PGAP1: variants seen among roughly 807,000 people sequenced by gnomAD.
PGAP1 encodes the protein GPI inositol-deacylase.
A neutral mutation model predicts 127.0 loss-of-function variants in PGAP1; 76 were observed. That is an observed-to-expected ratio of 0.60 (90% confidence interval 0.50 to 0.72). The LOEUF (loss-of-function observed/expected upper bound fraction) is 0.72. PGAP1 is among the 30% of genes least tolerant of loss of function. The probability of loss-of-function intolerance (pLI) is 0.00; values close to 1 mark genes in which losing one functional copy is unlikely to be tolerated. For synonymous variants in PGAP1, 362 were observed against 366.5 expected (o/e 0.99, Z 0.14); for missense variants, 982 against 1,071.3 (o/e 0.92, Z 1.16).
chr2:196,900,769 C>A (rs1333410292), intron 5 of PGAP1, among the ~76,000 whole-genome samples: 1 of 151,382 alleles, frequency 6.6e-6, no homozygotes, highest in African/African-American at 2.4e-5. Context: ...ACTAAAAATA[C>A]AAAAAAAATT....
chr2:196,869,435 C>T (rs933618765), intron 19 of PGAP1, among the ~76,000 whole-genome samples: 9 of 152,108 alleles, frequency 5.9e-5, no homozygotes, highest in Admixed American at 2.6e-4. Flanking sequence ...TCTGGGTTCA[C>T]GCCATTCTCC....
At chr2:196,917,742 CTGATGGTCATT>C (rs1703063757) in intron 2 of PGAP1, among the ~76,000 whole-genome samples, 1 of 152,118 alleles carries the variant, frequency 6.6e-6, no homozygotes, top group African/African-American at 2.4e-5. Context: ...TATTTATCAG[CTGATGGTCATT>C]TAAATTATTT....
At chr2:196,922,620 A>C in intron 1 of PGAP1, 3 of 701,494 alleles carry the variant, frequency 4.3e-6, no homozygotes, top group Non-Finnish European at 5.2e-6. Flanking sequence ...ACACACAACA[A>C]AGCTTAAGAG....
At chr2:196,871,433 T>C (rs2125798914) in intron 18 of PGAP1, among the ~76,000 whole-genome samples, 1 of 152,246 alleles carries the variant, frequency 6.6e-6, no homozygotes, top group South Asian at 2.1e-4. Context: ...AATGATTTTG[T>C]CAAAATATGG....
intron 1 of PGAP1, among the ~76,000 whole-genome samples, chr2:196,923,305 T>A (rs749880055): frequency 2.0e-5 from 3 of 152,240 alleles, no homozygotes; most frequent in Non-Finnish European, 4.4e-5. Context: ...ATGCCTGCAA[T>A]GTTCTTTCAG....
rs771654693 is a variant in PGAP1, at chr2:196,867,769, C to T, written c.1768-2689G>A. Among the ~76,000 whole-genome samples the T allele has an allele frequency of 1.3e-3, 200 of 152,254 alleles. 1 individual carries two copies. The highest frequency in any genetic ancestry group is 2.1e-3 in the Non-Finnish European group (146 of 68,014). ...GGGAAACTATGGAAGTACAAGCTTA[C>T]TATAAAAGTTGCAGAAAATTTCAGA... On this transcript the variant is annotated intron_variant, in intron 19 of 26. Transcript: ENST00000354764.
intron 20 of PGAP1, among the ~76,000 whole-genome samples, chr2:196,856,000 T>C (rs1234659614): frequency 1.3e-5 from 2 of 151,992 alleles, no homozygotes; most frequent in African/African-American, 4.8e-5. Flanking sequence ...GTTTTTATTG[T>C]TTTTGTTTTT....
chr2:196,847,696 A>AT, intron 21 of PGAP1: 1 of 288,792 alleles, frequency 3.5e-6, no homozygotes, highest in Non-Finnish European at 6.4e-6. Flanking sequence ...ATATACACCT[A>AT]TTTACAAACA....
Position 196,835,807 on chromosome 2 carries a change from G to T in PGAP1, c.*5427C>A, listed in dbSNP as rs1010171208. ...TTTATGCTAAAGAGAATTCAAATGT[G>T]TCTCTTTTTTTTGCTAAAAAAGGGA... On this transcript the variant is annotated 3_prime_UTR_variant, in exon 27 of 27. Coordinates refer to ENST00000354764, the MANE Select transcript of PGAP1 (RefSeq NM_024989.4). 2 of 152,320 alleles carry T rather than the reference G, an allele frequency of 1.3e-5. No individual in the cohort carries two copies. Among genetic ancestry groups the T allele is most frequent in the Non-Finnish European group, 2.9e-5 (2 of 67,856 alleles). 9.4% of individuals were successfully genotyped at this position (152,320 alleles called of 1,614,324 possible).
intron 1 of PGAP1, chr2:196,922,583 C>CAT: frequency 5.6e-6 from 3 of 539,174 alleles, no homozygotes; most frequent in Non-Finnish European, 6.8e-6. Flanking sequence ...CACAGACACA[C>CAT]ACACACACAC....
At position 196,920,115 on chromosome 2, in the gene PGAP1, A is replaced by G; in HGVS notation, c.183T>C (p.Tyr61=). 6.2e-7 allele frequency: 1 copy of G among 1,609,566 alleles called. No individual in the cohort carries two copies. Among genetic ancestry groups the G allele is most frequent in the East Asian group, 2.2e-5 (1 of 44,804 alleles). ...IELPKKLAKR[Y]PAYELYLYGE... ...CATAAAGATACAACTCATATGCGGGATAGCGTTTTGCCAGTTTCTTTGGAA... is the reference window on the plus strand; with the variant it reads ...CATAAAGATACAACTCATATGCGGGGTAGCGTTTTGCCAGTTTCTTTGGAA... The change falls in exon 2 of 27, where the codon TAT becomes TAC. Residue 61 remains tyrosine (Y), a synonymous_variant. Transcript: ENST00000354764.
intron 5 of PGAP1, among the ~76,000 whole-genome samples, chr2:196,902,116 C>T (rs1378475921): frequency 2.6e-5 from 4 of 152,192 alleles, no homozygotes; most frequent in Admixed American, 2.0e-4. Flanking sequence ...AACTCCTGGA[C>T]TCAAGTGATT....
At chr2:196,875,533 C>T (rs564674638) in intron 14 of PGAP1, among the ~76,000 whole-genome samples, 7 of 152,208 alleles carry the variant, frequency 4.6e-5, no homozygotes, top group East Asian at 3.9e-4. Flanking sequence ...GATACACACA[C>T]GCAATTACCT....
chr2:196,885,772 A>T, intron 11 of PGAP1, 62 bp downstream of exon 11: 1 of 1,041,748 alleles, frequency 9.6e-7, no homozygotes, highest in Non-Finnish European at 1.3e-6. Flanking sequence ...AACTATTCTA[A>T]AAGTGTGGTT....
chr2:196,914,813 CTTTT>C (rs772109065), intron 3 of PGAP1, among the ~76,000 whole-genome samples: 1 of 138,154 alleles, frequency 7.2e-6, no homozygotes. Context: ...ATTCTTAATT[CTTTT>C]TTTTTTTTTT....
intron 5 of PGAP1, among the ~76,000 whole-genome samples, chr2:196,900,661 C>T (rs941485947): frequency 6.6e-6 from 1 of 152,158 alleles, no homozygotes; most frequent in Non-Finnish European, 1.5e-5. Flanking sequence ...TGTGGTGGCT[C>T]ACACCTGTAA....
chr2:196,897,306 C>T lies in PGAP1; in HGVS notation c.861-109G>A, dbSNP rs577544868. On this transcript the variant is annotated intron_variant, in intron 6 of 26. Transcript: ENST00000354764. Reference sequence around the variant, plus strand: ...TGGAACATTTGAGTTTCCTTTAGTGCTCTAAACTCAAAAATTATGTAACAA... The same window carrying T: ...TGGAACATTTGAGTTTCCTTTAGTGTTCTAAACTCAAAAATTATGTAACAA... 161 of 517,510 alleles carry T rather than the reference C, an allele frequency of 3.1e-4. 1 individual carries two copies. Among genetic ancestry groups the T allele is most frequent in the Non-Finnish European group, 3.1e-4 (92 of 300,640 alleles). The allele number at this position is 517,510 out of a possible 1,614,324, so 32.1% of individuals were successfully genotyped here.
At chr2:196,887,260 T>C (rs913449742) in intron 10 of PGAP1, among the ~76,000 whole-genome samples, 4 of 152,072 alleles carry the variant, frequency 2.6e-5, no homozygotes, top group Non-Finnish European at 5.9e-5. Flanking sequence ...GGTGGGCGTC[T>C]GTAGTCCCAG....
Position 196,836,537 on chromosome 2 carries a change from CTGACT to C in PGAP1, c.*4692_*4696del, listed in dbSNP as rs975404716. Reference sequence around the variant, plus strand: ...ACATATTTGGATTTGGATTACTGACCTGACTTTTCTTTCCTATTATTCTTATTAAA... The same window carrying C: ...ACATATTTGGATTTGGATTACTGACCTTTCTTTCCTATTATTCTTATTAAA... On this transcript the variant is annotated 3_prime_UTR_variant, in exon 27 of 27. Transcript: ENST00000354764. The C allele has an allele frequency of 1.6e-4, 24 of 152,042 alleles. No individual in the cohort carries two copies. The highest frequency in any genetic ancestry group is 5.8e-4 in the African/African-American group (24 of 41,428). The allele number at this position is 152,042 out of a possible 1,614,324, so 9.4% of individuals were successfully genotyped here. A position where few individuals can be genotyped will look rare whatever the true frequency, so the allele number is the denominator to read the frequency against.
Sources: allele counts gnomAD v4.1 joint callset (sites outside exome capture counted in the v4.1 genomes callset), GRCh38; gene constraint gnomAD v4.1.1; transcripts MANE v1.5; gene names NCBI Gene and HGNC (gene_info 2026-07-23, HGNC 2026-07-21).